PRKAG2: variants seen among roughly 807,000 people sequenced by gnomAD.
PRKAG2 encodes the protein 5'-AMP-activated protein kinase subunit gamma-2.
PRKAG2 carries 26 observed loss-of-function variants against 69.6 expected under a neutral mutation model. The ratio of observed to expected loss-of-function variants is 0.37; its 90% CI spans 0.27 to 0.52. The LOEUF is 0.52. PRKAG2 is among the 20% of genes least tolerant of loss of function. The pLI is 0.90. For synonymous variants in PRKAG2, 293 were observed against 285.0 expected (o/e 1.03, Z -0.28); for missense variants, 557 against 740.0 (o/e 0.75, Z 2.87).
intron 5 of PRKAG2, among the ~76,000 whole-genome samples, chr7:151,610,742 T>TC (rs1180398114): frequency 7.3e-5 from 7 of 95,920 alleles, no homozygotes; most frequent in Non-Finnish European, 1.3e-4. Flanking sequence ...TTCTTTTCTT[T>TC]TTTTTTTTTT....
Position 151,632,699 on chromosome 7 carries a change from G to GCTTTCCTCTTCC in PRKAG2, c.685-573_685-562dup. On this transcript the variant is annotated intron_variant, in intron 4 of 15. Coordinates refer to ENST00000287878, the MANE Select transcript of PRKAG2 (RefSeq NM_016203.4). This position sits in a 1 kb window ranked among gnomAD's most constrained non-coding sequence, Gnocchi z 4.2. ...GGCGCCAGCTAGGGGATCCTTTCTCGCTTTCCTCTTCCCTTTCCAAATTTT... is the reference window on the plus strand; with the variant it reads ...GGCGCCAGCTAGGGGATCCTTTCTCGCTTTCCTCTTCCCTTTCCTCTTCCCTTTCCAAATTTT... 1.4e-6 allele frequency: 1 copy of GCTTTCCTCTTCC among 729,650 alleles called. No individual in the cohort carries two copies. Among genetic ancestry groups the GCTTTCCTCTTCC allele is most frequent in the Non-Finnish European group, 1.7e-6 (1 of 595,938 alleles). The allele number at this position is 729,650 out of a possible 1,614,324, so 45.2% of individuals were successfully genotyped here.
chr7:151,656,566 C>A (rs1563357148), intron 4 of PRKAG2, among the ~76,000 whole-genome samples: 1 of 152,160 alleles, frequency 6.6e-6, no homozygotes, highest in Non-Finnish European at 1.5e-5. Flanking sequence ...AAAACAATAA[C>A]AACAACAAAC....
At position 151,642,415 on chromosome 7, in the gene PRKAG2, G is replaced by C. The variant is rs140773432; in HGVS notation, c.685-10277C>G. Among the ~76,000 whole-genome samples the C allele has an allele frequency of 8.5e-3, 1,288 of 152,218 alleles. 24 individuals carry two copies. The highest frequency in any genetic ancestry group is 0.029 in the African/African-American group (1,224 of 41,548). ...TGGCTCATGCCTGTAGTCCCAGCTA[G>C]CTACACAGGAGGCTGAGGTGGGAGG... On this transcript the variant is annotated intron_variant, in intron 4 of 15. Transcript: ENST00000287878.
intron 2 of PRKAG2, among the ~76,000 whole-genome samples, 154 bp downstream of exon 2, chr7:151,786,316 G>C (rs770528930): frequency 6.6e-6 from 1 of 152,222 alleles, no homozygotes. Flanking sequence ...TGCGAGGTGA[G>C]CTGTCGCAGG....
intron 6 of PRKAG2, among the ~76,000 whole-genome samples, chr7:151,580,037 C>T (rs1809969931): frequency 6.6e-6 from 1 of 152,164 alleles, no homozygotes; most frequent in Non-Finnish European, 1.5e-5. Context: ...CACCAACCAA[C>T]CAGCATTAAG....
chr7:151,874,642 T>C (rs2080344046), intron 1 of PRKAG2, among the ~76,000 whole-genome samples: 1 of 152,168 alleles, frequency 6.6e-6, no homozygotes, highest in Non-Finnish European at 1.5e-5. Context: ...CCCAGCACTT[T>C]GAGAGGTCAA....
At chr7:151,723,852 G>A (rs1301481225) in intron 3 of PRKAG2, among the ~76,000 whole-genome samples, 2 of 152,270 alleles carry the variant, frequency 1.3e-5, no homozygotes, top group South Asian at 2.1e-4. Flanking sequence ...TTTCAACTCC[G>A]TTCAGCATGG....
intron 4 of PRKAG2, among the ~76,000 whole-genome samples, chr7:151,637,969 G>A (rs1826022820): frequency 6.6e-6 from 1 of 152,114 alleles, no homozygotes; most frequent in Admixed American, 6.5e-5. Flanking sequence ...AAGGGCGTGG[G>A]CAATGTCATG....
chr7:151,603,107 C>T (rs112105192), intron 5 of PRKAG2, among the ~76,000 whole-genome samples: 5,878 of 149,888 alleles, frequency 0.039, 345 homozygotes, highest in African/African-American at 0.14. Context: ...TCCATACTCA[C>T]CACACACGGA....
chr7:151,608,017 C>T (rs184429947), intron 5 of PRKAG2, among the ~76,000 whole-genome samples: 48 of 152,172 alleles, frequency 3.2e-4, no homozygotes, highest in Non-Finnish European at 6.2e-4. Context: ...GACAAGTGTC[C>T]TTATAAGAGA....
chr7:151,691,728 T>A (rs911756496), intron 3 of PRKAG2, among the ~76,000 whole-genome samples: 1 of 152,234 alleles, frequency 6.6e-6, no homozygotes, highest in Admixed American at 6.5e-5. Flanking sequence ...AAATACAAAC[T>A]AGTATAGCCA....
intron 3 of PRKAG2, among the ~76,000 whole-genome samples, chr7:151,704,911 G>C (rs1028396081): frequency 6.6e-6 from 1 of 152,176 alleles, no homozygotes; most frequent in African/African-American, 2.4e-5. Context: ...TGATTTAGTG[G>C]ACAGACCACG....
At chr7:151,856,556 A>G (rs2079780963) in intron 1 of PRKAG2, among the ~76,000 whole-genome samples, 1 of 152,258 alleles carries the variant, frequency 6.6e-6, no homozygotes, top group South Asian at 2.1e-4. Context: ...CAAACAACTC[A>G]TTCTATCTGA....
Position 151,632,456 on chromosome 7 carries a change from G to A in PRKAG2, c.685-318C>T, listed in dbSNP as rs1298498410. The A allele has an allele frequency of 1.5e-6, 1 of 658,318 alleles. No individual in the cohort carries two copies. Among genetic ancestry groups the A allele is most frequent in the South Asian group, 6.7e-5 (1 of 14,904 alleles). The allele number at this position is 658,318 out of a possible 1,614,324, so 40.8% of individuals were successfully genotyped here. On this transcript the variant is annotated intron_variant, in intron 4 of 15. Coordinates refer to ENST00000287878, the MANE Select transcript of PRKAG2 (RefSeq NM_016203.4). The surrounding 1 kb of genome is among the most constrained non-coding windows in gnomAD (Gnocchi z 4.2). The stretch of plus-strand genomic sequence containing the variant: ...GGAAGGGACCCGGGAGCTCGAGGGC[G>A]GCAGCGCCTGGGCCCGGGGCGCCCC...
intron 4 of PRKAG2, among the ~76,000 whole-genome samples, chr7:151,653,828 C>T (rs892563637): frequency 4.6e-5 from 7 of 152,080 alleles, no homozygotes; most frequent in East Asian, 1.9e-4. Context: ...AGTGACAGAG[C>T]GAGACTCCAT....
At position 151,721,081 on chromosome 7, in the gene PRKAG2, G is replaced by A. The variant is rs1332628119; in HGVS notation, c.467-45444C>T. On this transcript the variant is annotated intron_variant, in intron 3 of 15. Transcript: ENST00000287878. ...GCATGAAGGGGGCAGAGGGGATGGA[G>A]GGGACACAGAGGGCAGAGGGGGACA... Among the ~76,000 whole-genome samples the A allele has an allele frequency of 4.0e-5, 6 of 149,600 alleles. No individual in the cohort carries two copies. The South Asian group carries it at 6.6e-4, about 16-fold the overall frequency.
In PRKAG2 at chr7:151,776,959, G is replaced by A. The variant is rs73160009; in HGVS notation, c.466+4193C>T. Among the ~76,000 whole-genome samples, 1,043 of 152,240 alleles carry A rather than the reference G, an allele frequency of 6.9e-3. 3 individuals carry two copies. Among genetic ancestry groups the A allele is most frequent in the Middle Eastern group, 0.02 (6 of 294 alleles). On this transcript the variant is annotated intron_variant, in intron 3 of 15. Transcript: ENST00000287878. ...CCAGCCTCATCCCCAGGACCCCTTG[G>A]GTGCTGGACACTGCCGGGGTGAGGC...
chr7:151,626,485 GGA>G (rs995623210), intron 5 of PRKAG2, among the ~76,000 whole-genome samples: 16 of 152,122 alleles, frequency 1.1e-4, no homozygotes, highest in African/African-American at 3.9e-4. Flanking sequence ...TTATCTACGA[GGA>G]GTGTGTGAAC....
intron 1 of PRKAG2, among the ~76,000 whole-genome samples, chr7:151,844,348 C>T (rs951314010): frequency 1.1e-4 from 17 of 152,102 alleles, no homozygotes; most frequent in African/African-American, 3.4e-4. Context: ...TACCACTCCG[C>T]GAAGTCGTGT....
Sources: gnomAD v4.1 joint callset for allele counts (sites outside exome capture counted in the v4.1 genomes callset) on GRCh38, gnomAD v4.1.1 for gene constraint, Gnocchi (gnomAD v3.1) non-coding constraint, MANE v1.5 for transcripts, NCBI Gene and HGNC (gene_info 2026-07-23, HGNC 2026-07-21) for gene names.